The following LDB2 variants were observed in gnomAD, a reference collection of about 807,000 sequenced individuals.
The protein encoded by LDB2 is LIM domain-binding protein 2.
Under a neutral mutation model 44.3 loss-of-function variants are expected in LDB2, and 12 were observed. The ratio of observed to expected loss-of-function variants is 0.27; its 90% CI spans 0.17 to 0.44. The LOEUF is 0.44. Ranked by LOEUF, LDB2 falls within the 20% of genes least tolerant of loss-of-function variation. LDB2 has a pLI of 1.00. For synonymous variants in LDB2, 164 were observed against 174.8 expected, an observed-to-expected ratio of 0.94 and a Z score of 0.49; for missense variants, 344 against 473.5, an observed-to-expected ratio of 0.73 and a Z score of 2.54.
chr4:16,863,962 T>C (rs1157624463), intron 1 of LDB2, among the ~76,000 whole-genome samples: 1 of 152,164 alleles, frequency 6.6e-6, no homozygotes, highest in Non-Finnish European at 1.5e-5. Context: ...GCCTGGCACA[T>C]TCTCTTCTTG....
At chr4:16,733,285 C>T (rs1165123178) in intron 2 of LDB2, among the ~76,000 whole-genome samples, 2 of 151,924 alleles carry the variant, frequency 1.3e-5, no homozygotes, top group Non-Finnish European at 2.9e-5. Context: ...AAATTTAACC[C>T]TGGAGAAGAT....
chr4:16,753,246 G>A (rs1765829511), intron 2 of LDB2, among the ~76,000 whole-genome samples: 1 of 152,172 alleles, frequency 6.6e-6, no homozygotes, highest in South Asian at 2.1e-4. Context: ...TTTAAATCAT[G>A]TATATAGCAA....
intron 2 of LDB2, among the ~76,000 whole-genome samples, chr4:16,695,095 A>G (rs776219395): frequency 2.0e-5 from 3 of 152,138 alleles, no homozygotes; most frequent in Non-Finnish European, 4.4e-5. Flanking sequence ...GTAACTTGAG[A>G]TCCAAGGAAC....
intron 5 of LDB2, among the ~76,000 whole-genome samples, chr4:16,537,618 A>G (rs1732305016): frequency 6.6e-6 from 1 of 152,220 alleles, no homozygotes; most frequent in Non-Finnish European, 1.5e-5. Context: ...ACAACAGCTT[A>G]CAAAGAACTT....
chr4:16,866,160 G>T (rs11737577), intron 1 of LDB2, among the ~76,000 whole-genome samples: 93,125 of 152,010 alleles, frequency 0.61, 29,050 homozygotes, highest in East Asian at 0.85. Context: ...TTCTTTCCGC[G>T]AAGTGCCATT....
chr4:16,580,074 G>A (rs912931997), intron 5 of LDB2, among the ~76,000 whole-genome samples: 1 of 152,220 alleles, frequency 6.6e-6, no homozygotes, highest in Non-Finnish European at 1.5e-5. Context: ...ATTGGATGAT[G>A]AGAGAAGGGT....
chr4:16,875,750 GC>G (rs1422971075), intron 1 of LDB2, among the ~76,000 whole-genome samples: 10 of 152,202 alleles, frequency 6.6e-5, no homozygotes, highest in African/African-American at 2.4e-4. Context: ...CCAAGGATAG[GC>G]CGTCTCCAGG....
intron 2 of LDB2, among the ~76,000 whole-genome samples, chr4:16,687,846 A>G (rs912523681): frequency 1.3e-5 from 2 of 152,198 alleles, no homozygotes; most frequent in African/African-American, 2.4e-5. Context: ...CACGTTTTGG[A>G]ACTGAAATTA....
intron 1 of LDB2, among the ~76,000 whole-genome samples, chr4:16,806,805 G>A (rs569390083): frequency 7.9e-5 from 12 of 152,150 alleles, no homozygotes; most frequent in South Asian, 4.2e-4. Flanking sequence ...CCAGCTCCTC[G>A]TCTTCCCAGC....
intron 2 of LDB2, among the ~76,000 whole-genome samples, chr4:16,645,392 C>T (rs944339387): frequency 1.3e-5 from 2 of 151,526 alleles, no homozygotes; most frequent in African/African-American, 2.4e-5. Context: ...AAAAAATTAG[C>T]CGGGCGCGGT....
intron 1 of LDB2, among the ~76,000 whole-genome samples, chr4:16,854,577 G>A (rs1371664492): frequency 2.7e-5 from 4 of 148,852 alleles, no homozygotes; most frequent in African/African-American, 7.4e-5. Context: ...GTTAAAAAAA[G>A]CAATAATGTA....
At position 16,898,565 on chromosome 4, in the gene LDB2, T is replaced by G; in HGVS notation, c.-80A>C. On this transcript the variant is annotated 5_prime_UTR_variant, in exon 1 of 8. Transcript: ENST00000304523. ...AGCACATGGGCTGTGTTCTTCCCAG[T>G]ACAAAGTAGACGCACGCACACACGC... 2.7e-6 allele frequency: 4 copies of G among 1,465,760 alleles called. No homozygotes were observed. The highest frequency in any genetic ancestry group is 3.8e-6 in the Non-Finnish European group (4 of 1,065,144). 90.8% of individuals were successfully genotyped at this position (1,465,760 alleles called of 1,614,324 possible). A position where few individuals can be genotyped will look rare whatever the true frequency, so the allele number is the denominator to read the frequency against.
chr4:16,819,837 T>A (rs1220856835), intron 1 of LDB2, among the ~76,000 whole-genome samples: 1 of 152,214 alleles, frequency 6.6e-6, no homozygotes, highest in Admixed American at 6.5e-5. Flanking sequence ...TCAGCAGTTC[T>A]ACAAATGTTG....
intron 1 of LDB2, among the ~76,000 whole-genome samples, chr4:16,786,684 T>C (rs1774495542): frequency 6.6e-6 from 1 of 152,224 alleles, no homozygotes; most frequent in African/African-American, 2.4e-5. Context: ...GGGATTGGGC[T>C]ACCAGGGTCC....
intron 1 of LDB2, among the ~76,000 whole-genome samples, chr4:16,869,484 G>T (rs914901106): frequency 6.6e-5 from 10 of 152,106 alleles, no homozygotes; most frequent in African/African-American, 2.2e-4. Flanking sequence ...GAACACTATG[G>T]AACAGTATTA....
intron 1 of LDB2, among the ~76,000 whole-genome samples, chr4:16,790,798 C>T (rs948037469): frequency 6.6e-6 from 1 of 152,126 alleles, no homozygotes; most frequent in African/African-American, 2.4e-5. Flanking sequence ...GTTTAATGCT[C>T]TTGCAAAAAG....
chr4:16,819,604 G>C (rs2109952451), intron 1 of LDB2, among the ~76,000 whole-genome samples: 1 of 150,936 alleles, frequency 6.6e-6, no homozygotes, highest in Non-Finnish European at 1.5e-5. Flanking sequence ...CTTCCAATTT[G>C]AGATGTAACA....
intron 1 of LDB2, among the ~76,000 whole-genome samples, chr4:16,850,467 T>A (rs537595009): frequency 6.6e-6 from 1 of 152,128 alleles, no homozygotes; most frequent in South Asian, 2.1e-4. Flanking sequence ...TGGCACCCAG[T>A]AGATAGATAT....
At chr4:16,880,903 C>CA (rs1004776367) in intron 1 of LDB2, among the ~76,000 whole-genome samples, 2,832 of 57,166 alleles carry the variant, frequency 0.05, 129 homozygotes, top group African/African-American at 0.11. Flanking sequence ...GACTCCATCT[C>CA]AAAAAAAAAA....
Sources: gnomAD v4.1 joint callset for allele counts (sites outside exome capture counted in the v4.1 genomes callset) on GRCh38, gnomAD v4.1.1 for gene constraint, MANE v1.5 for transcripts, NCBI Gene and HGNC (gene_info 2026-07-23, HGNC 2026-07-21) for gene names.